The following CUL2 variants were observed in gnomAD, a reference collection of about 807,000 sequenced individuals.
CUL2 encodes cullin-2.
Under a neutral mutation model 110.2 loss-of-function variants are expected in CUL2, and 22 were observed. The observed-to-expected ratio is 0.20, with a 90% CI of 0.14 to 0.28. The LOEUF is 0.28. Ranked by LOEUF, CUL2 falls within the 10% of genes least tolerant of loss-of-function variation. CUL2 has a pLI of 1.00. For synonymous variants in CUL2, 279 were observed against 293.2 expected (o/e 0.95, Z 0.49); for missense variants, 631 against 905.5 (o/e 0.70, Z 3.89).
chr10:35,013,630 T>TA, intron 19 of CUL2, 69 bp downstream of exon 19: 1 of 1,003,882 alleles, frequency 1.0e-6, no homozygotes, highest in Non-Finnish European at 1.5e-6. Context: ...AATCTCAATG[T>TA]AAACACTTGT....
chr10:35,035,841 C>T (rs2085607304), intron 9 of CUL2, among the ~76,000 whole-genome samples: 1 of 152,222 alleles, frequency 6.6e-6, no homozygotes, highest in Non-Finnish European at 1.5e-5. Flanking sequence ...CTTCTAACCA[C>T]AGCTGCCAAC....
chr10:35,036,706 C>T (rs936981324), intron 9 of CUL2, among the ~76,000 whole-genome samples: 4 of 151,982 alleles, frequency 2.6e-5, no homozygotes, highest in African/African-American at 9.7e-5. Context: ...GGTACATTAC[C>T]CTATAACTGT....
intron 1 of CUL2, among the ~76,000 whole-genome samples, chr10:35,072,469 G>C (rs1397174339): frequency 6.6e-6 from 1 of 151,884 alleles, no homozygotes; most frequent in Admixed American, 6.6e-5. Context: ...CCCAGGTTCA[G>C]GTGATTCTCC....
At chr10:35,013,902 C>T in intron 18 of CUL2, 102 bp from the exon 19 acceptor site, 1 of 770,204 alleles carries the variant, frequency 1.3e-6, no homozygotes, top group Non-Finnish European at 1.8e-6. Context: ...GCAAAAAAGC[C>T]TCCACTCTCA....
At chr10:35,118,186 C>A (rs2087632071) in intron 1 of CUL2, 1 of 152,212 alleles carries the variant, frequency 6.6e-6, no homozygotes, top group Admixed American at 6.5e-5. Flanking sequence ...TGTGCACTCC[C>A]CTTGGTCATT....
chr10:35,057,945 A>C (rs974459629), intron 4 of CUL2, among the ~76,000 whole-genome samples: 5 of 151,806 alleles, frequency 3.3e-5, no homozygotes, highest in African/African-American at 1.2e-4. Context: ...AAAAAATACA[A>C]AAATTAGCCA....
At chr10:35,033,101 T>A in intron 11 of CUL2, 65 bp downstream of exon 11, 1 of 941,744 alleles carries the variant, frequency 1.1e-6, no homozygotes, top group Non-Finnish European at 1.5e-6. Context: ...ATTCTGATCT[T>A]GAAACTGCCT....
chr10:35,122,662 G>C (rs2087690921), intron 1 of CUL2, among the ~76,000 whole-genome samples: 1 of 151,904 alleles, frequency 6.6e-6, no homozygotes, highest in Admixed American at 6.6e-5. Context: ...TTTTGAGCTA[G>C]AGTCTTGCTC....
intron 1 of CUL2, among the ~76,000 whole-genome samples, chr10:35,084,993 G>A (rs570970995): frequency 3.7e-4 from 56 of 151,710 alleles, no homozygotes; most frequent in African/African-American, 1.2e-3. Flanking sequence ...GGTGGTGGGC[G>A]CCTGTAATCC....
chr10:35,066,981 T>C lies in CUL2; in HGVS notation c.120-3919A>G, dbSNP rs114078412. Among the ~76,000 whole-genome samples, 866 of 152,072 alleles carry C rather than the reference T, an allele frequency of 5.7e-3. 9 individuals are homozygous for C. Among genetic ancestry groups the C allele is most frequent in the African/African-American group, 0.019 (768 of 41,502 alleles). Reference sequence around the variant, plus strand: ...CTGGTCTATGTTTGAAAGAGATGCCTGATAGAATATAAACTAGAAATGATA... The same window carrying C: ...CTGGTCTATGTTTGAAAGAGATGCCCGATAGAATATAAACTAGAAATGATA... On this transcript the variant is annotated intron_variant, in intron 2 of 20. Transcript: ENST00000374749.
intron 1 of CUL2, chr10:35,073,981 T>C (rs2086750917): frequency 4.3e-6 from 3 of 700,296 alleles, no homozygotes; most frequent in African/African-American, 1.7e-5. Context: ...CAAAGCTATG[T>C]AATGGTGGCA....
chr10:35,041,593 A>G (rs2085789761), intron 8 of CUL2, among the ~76,000 whole-genome samples: 1 of 152,202 alleles, frequency 6.6e-6, no homozygotes, highest in Admixed American at 6.5e-5. Context: ...GCAGGAGGGC[A>G]GTGGTGCAAT....
chr10:35,058,141 T>C (rs775551913), intron 4 of CUL2, among the ~76,000 whole-genome samples: 42 of 152,116 alleles, frequency 2.8e-4, no homozygotes, highest in African/African-American at 9.2e-4. Context: ...TTATGATTCA[T>C]GGGAGAAGGT....
rs772123391 is a variant in CUL2 at position 35,035,225 on chromosome 10, T to C, written c.949A>G (p.Asn317Asp). ...GLPHMIQELQ[N>D]HIHDEGLRAT... ...CGAAGGCCCTCATCATGGATGTGGT[T>C]TTGCAGCTCCTGAATCATATGAGGT... Residue 317 changes from asparagine (N) to aspartate (D), a missense_variant, in exon 10 of 21, where the codon AAC (asparagine) becomes GAC (aspartate). Coordinates refer to ENST00000374749, the MANE Select transcript of CUL2 (RefSeq NM_003591.4). 6.1e-5 allele frequency: 98 copies of C among 1,614,058 alleles called. No homozygotes were observed. Among genetic ancestry groups the C allele is most frequent in the Non-Finnish European group, 7.9e-5 (93 of 1,180,038 alleles).
chr10:35,082,795 C>T (rs943192060), intron 1 of CUL2, among the ~76,000 whole-genome samples: 1 of 152,144 alleles, frequency 6.6e-6, no homozygotes. Flanking sequence ...AGGCTCAGGA[C>T]TACTTGGGGA....
upstream of CUL2, among the ~76,000 whole-genome samples, chr10:35,095,581 C>T (rs143476139): frequency 7.2e-4 from 109 of 152,144 alleles, no homozygotes; most frequent in African/African-American, 2.4e-3. Context: ...ATTTTTGAGA[C>T]AGAGTCTCCC....
At chr10:35,068,931 G>A (rs1048928946) in intron 2 of CUL2, among the ~76,000 whole-genome samples, 14 of 152,098 alleles carry the variant, frequency 9.2e-5, no homozygotes, top group Admixed American at 3.3e-4. Context: ...GCAATGGCCC[G>A]ATCTTGGCTC....
chr10:35,071,373 T>C, intron 1 of CUL2, 34 bp from the exon 2 acceptor site: 1 of 1,566,360 alleles, frequency 6.4e-7, no homozygotes, highest in East Asian at 2.2e-5. Flanking sequence ...ATGTTAGCAA[T>C]AATTCCATGA....
At chr10:35,028,602 A>C (rs2085391086) in intron 16 of CUL2, among the ~76,000 whole-genome samples, 2 of 152,220 alleles carry the variant, frequency 1.3e-5, no homozygotes, top group Non-Finnish European at 2.9e-5. Flanking sequence ...TTGACAAAGA[A>C]CTGTATGACA....
Sources: allele counts gnomAD v4.1 joint callset (sites outside exome capture counted in the v4.1 genomes callset), GRCh38; gene constraint gnomAD v4.1.1; transcripts MANE v1.5; gene names NCBI Gene and HGNC (gene_info 2026-07-23, HGNC 2026-07-21).